BCAS3: variants seen among roughly 807,000 people sequenced by gnomAD.
BCAS3 encodes the protein BCAS4/BCAS3 fusion.
Under a neutral mutation model 116.1 loss-of-function variants are expected in BCAS3, and 53 were observed. That is an observed-to-expected ratio of 0.46 (90% CI 0.37 to 0.57). BCAS3 has a LOEUF of 0.57. Among genes scored for constraint, BCAS3 ranks in the 20% least tolerant of loss-of-function variants. BCAS3 has a pLI of 0.00. For synonymous variants in BCAS3, 391 were observed against 408.2 expected, an observed-to-expected ratio of 0.96 and a Z score of 0.51; for missense variants, 917 against 1,165.4, an observed-to-expected ratio of 0.79 and a Z score of 3.10.
chr17:61,385,460 C>T (rs530060600), intron 23 of BCAS3, among the ~76,000 whole-genome samples: 3 of 152,350 alleles, frequency 2.0e-5, no homozygotes, highest in South Asian at 2.1e-4. Flanking sequence ...AGAGCAGTCA[C>T]GTGACCCGCT....
rs111566646 is a variant in BCAS3 at position 60,872,253 on chromosome 17, G to A, written c.585-2409G>A. Among the ~76,000 whole-genome samples, 581 of 151,790 alleles carry A rather than the reference G, an allele frequency of 3.8e-3. 4 individuals are homozygous for A. The highest frequency in any genetic ancestry group is 0.013 in the African/African-American group (548 of 41,398). ...GAGAAGGAATGAGAATATTATATGC[G>A]TGTATGTGTATATAGTGTGTGTATA... On this transcript the variant is annotated intron_variant, in intron 8 of 23. Transcript: ENST00000407086.
At chr17:61,173,493 A>G (rs4640251) in intron 22 of BCAS3, among the ~76,000 whole-genome samples, 97,461 of 151,370 alleles carry the variant, frequency 0.64, 35,213 homozygotes, top group South Asian at 0.87. Context: ...ATTAAAACAT[A>G]TCAAAATTTG....
At chr17:60,824,071 G>A (rs1471386609) in intron 7 of BCAS3, among the ~76,000 whole-genome samples, 5 of 152,106 alleles carry the variant, frequency 3.3e-5, no homozygotes, top group Non-Finnish European at 4.4e-5. Context: ...TTCATTATGT[G>A]TTAGTATTCA....
chr17:61,376,705 G>A lies in BCAS3; in HGVS notation c.2593+8211G>A, dbSNP rs188172801. Among the ~76,000 whole-genome samples the A allele has an allele frequency of 2.1e-3, 317 of 152,250 alleles. 3 individuals are homozygous for A. The highest frequency in any genetic ancestry group is 7.5e-3 in the African/African-American group (311 of 41,538). ...TTGCCAAAGTCTCTAGGCTTCTCTG[G>A]GTAATATCTCTGATTGCCCAGTGCT... On this transcript the variant is annotated intron_variant, in intron 23 of 23. Transcript: ENST00000407086. The surrounding 1 kb of genome is among the most constrained non-coding windows in gnomAD (Gnocchi z 4.5).
intron 7 of BCAS3, among the ~76,000 whole-genome samples, chr17:60,864,649 G>A (rs1456566885): frequency 6.6e-6 from 1 of 152,194 alleles, no homozygotes; most frequent in Non-Finnish European, 1.5e-5. Context: ...CACTGGAGTA[G>A]CACTTTTAAT....
At chr17:61,292,504 T>A (rs2052522228) in intron 22 of BCAS3, among the ~76,000 whole-genome samples, 1 of 152,042 alleles carries the variant, frequency 6.6e-6, no homozygotes, top group African/African-American at 2.4e-5. Context: ...ATACAAAAAT[T>A]AGCCAGGCGT....
rs537463917 is a variant in BCAS3, at chr17:61,239,751, G to A, written c.2426-128576G>A. ...ATTTTAATCAAGATAATCCTAAAAT[G>A]TCTTAAGGTGCAACTTATTCTGGAG... On this transcript the variant is annotated intron_variant, in intron 22 of 23. Transcript: ENST00000407086. This position sits in a 1 kb window ranked among gnomAD's most constrained non-coding sequence, Gnocchi z 4.2. Among the ~76,000 whole-genome samples, 3 of 152,314 alleles carry A rather than the reference G, an allele frequency of 2.0e-5. No individual in the cohort carries two copies. Among genetic ancestry groups the A allele is most frequent in the South Asian group, 2.1e-4 (1 of 4,830 alleles).
intron 7 of BCAS3, among the ~76,000 whole-genome samples, chr17:60,851,955 C>G (rs1299093005): frequency 6.6e-6 from 1 of 151,922 alleles, no homozygotes; most frequent in Non-Finnish European, 1.5e-5. Context: ...TTTGGTACAA[C>G]CAGAAAATAG....
At position 61,392,429 on chromosome 17, in the gene BCAS3, A is replaced by G; in HGVS notation, c.*304A>G. The G allele has an allele frequency of 1.3e-5, 2 of 148,822 alleles. No homozygotes were observed. The highest frequency in any genetic ancestry group is 1.4e-5 in the Non-Finnish European group (1 of 70,870). The allele number at this position is 148,822 out of a possible 1,614,324, so 9.2% of individuals were successfully genotyped here. On this transcript the variant is annotated 3_prime_UTR_variant, in exon 24 of 24. Coordinates refer to ENST00000407086, the MANE Select transcript of BCAS3 (RefSeq NM_017679.5). The surrounding 1 kb of genome is among the most constrained non-coding windows in gnomAD (Gnocchi z 6.4). ...GGATCCGCTTTTGTATTTTTTAACC[A>G]TACCCACGGTGGGGCGGGTGGGGGG...
chr17:60,710,011 C>A (rs1349799478), intron 5 of BCAS3, among the ~76,000 whole-genome samples: 1 of 152,030 alleles, frequency 6.6e-6, no homozygotes, highest in East Asian at 1.9e-4. Context: ...GAGATGGGGT[C>A]TGGCTGTATT....
At chr17:60,724,463 G>A (rs532594644) in intron 5 of BCAS3, among the ~76,000 whole-genome samples, 1 of 148,214 alleles carries the variant, frequency 6.7e-6, no homozygotes, top group Non-Finnish European at 1.5e-5. Flanking sequence ...GGTGGCTCAT[G>A]CCCGTAATCC....
chr17:60,679,663 A>G lies in BCAS3; in HGVS notation c.83+123A>G, dbSNP rs562085506. ...ATCTTTTAACTGTTGGCTTTATGGG[A>G]TGAATAATAATAATTGCCAAGACCA... is the stretch of plus-strand genomic sequence containing the variant. On this transcript the variant is annotated intron_variant, in intron 2 of 23. Coordinates refer to ENST00000407086, the MANE Select transcript of BCAS3 (RefSeq NM_017679.5). 6.2e-4 allele frequency: 459 copies of G among 743,530 alleles called. 1 individual carries two copies. The highest frequency in any genetic ancestry group is 9.9e-4 in the Non-Finnish European group (438 of 441,750). The allele number at this position is 743,530 out of a possible 1,614,324, so 46.1% of individuals were successfully genotyped here. A position where few individuals can be genotyped will look rare whatever the true frequency, so the allele number is the denominator to read the frequency against.
At chr17:61,389,086 C>T (rs1397381713) in intron 23 of BCAS3, 2 of 222,296 alleles carry the variant, frequency 9.0e-6, no homozygotes, top group Non-Finnish European at 1.8e-5. Flanking sequence ...GAGGGGGTCT[C>T]CCCTAGATGA....
chr17:61,321,505 C>G (rs2055209056), intron 22 of BCAS3, among the ~76,000 whole-genome samples: 1 of 152,126 alleles, frequency 6.6e-6, no homozygotes, highest in Non-Finnish European at 1.5e-5. Flanking sequence ...AAGAAGAGGC[C>G]ATTTGATGTC....
At chr17:60,866,669 T>C (rs775061166) in intron 7 of BCAS3, among the ~76,000 whole-genome samples, 3 of 152,216 alleles carry the variant, frequency 2.0e-5, no homozygotes, top group Non-Finnish European at 2.9e-5. Context: ...TCTTTTTAGA[T>C]CGTGAGCTAT....
rs2145331621 is a variant in BCAS3, at chr17:60,967,225, GT to G, written c.1221+19874del. On this transcript the variant is annotated intron_variant, in intron 14 of 23. Transcript: ENST00000407086. The surrounding 1 kb of genome is among the most constrained non-coding windows in gnomAD (Gnocchi z 4.7). Reference sequence around the variant, plus strand: ...TATTCTCGTTAGCATTTCTTGTTAGGTGGGTCAGGTGGTGGCAAATTATTTG... The same window carrying G: ...TATTCTCGTTAGCATTTCTTGTTAGGGGGTCAGGTGGTGGCAAATTATTTG... Among the ~76,000 whole-genome samples the G allele has an allele frequency of 6.6e-6, 1 of 152,238 alleles. No individual in the cohort carries two copies. Among genetic ancestry groups the G allele is most frequent in the South Asian group, 2.1e-4 (1 of 4,814 alleles).
rs1018039488 is a variant in BCAS3 at position 61,276,843 on chromosome 17, C to T, written c.2426-91484C>T. On this transcript the variant is annotated intron_variant, in intron 22 of 23. Transcript: ENST00000407086. The surrounding 1 kb of genome is among the most constrained non-coding windows in gnomAD (Gnocchi z 4.2). ...AGTAATCAAGACAGTGTGGTACTGG[C>T]ATAAGGATAGACATATACCATAATG... is the stretch of plus-strand genomic sequence containing the variant. Among the ~76,000 whole-genome samples, 1 of 152,142 alleles carries T rather than the reference C, an allele frequency of 6.6e-6. No homozygotes were observed.
chr17:60,795,585 T>C (rs754130680), intron 6 of BCAS3, among the ~76,000 whole-genome samples: 1 of 152,194 alleles, frequency 6.6e-6, no homozygotes, highest in East Asian at 1.9e-4. Flanking sequence ...CATTAAGGCA[T>C]GTCCCTTGTA....
intron 19 of BCAS3, among the ~76,000 whole-genome samples, chr17:61,054,570 T>C (rs904493043): frequency 3.5e-4 from 53 of 152,296 alleles, no homozygotes; most frequent in African/African-American, 1.2e-3. Context: ...TTTGTCATGT[T>C]GCCTAGACTG....
Sources: gnomAD v4.1 joint callset for allele counts (sites outside exome capture counted in the v4.1 genomes callset) on GRCh38, gnomAD v4.1.1 for gene constraint, Gnocchi (gnomAD v3.1) non-coding constraint, MANE v1.5 for transcripts, NCBI Gene and HGNC (gene_info 2026-07-23, HGNC 2026-07-21) for gene names.